The following ACVR1C variants were observed in gnomAD, a reference collection of about 807,000 sequenced individuals.
ACVR1C encodes the protein activin receptor type-1C.
Under a neutral mutation model 57.9 loss-of-function variants are expected in ACVR1C, and 23 were observed. The observed-to-expected ratio is 0.40, with a 90% CI of 0.29 to 0.56. The LOEUF is 0.56. ACVR1C is among the 20% of genes least tolerant of loss of function. ACVR1C has a pLI of 0.50. For synonymous variants in ACVR1C, 214 were observed against 215.3 expected, an observed-to-expected ratio of 0.99 and a Z score of 0.05; for missense variants, 480 against 607.9, an observed-to-expected ratio of 0.79 and a Z score of 2.21.
chr2:157,579,805 A>G (rs951676410), intron 2 of ACVR1C, among the ~76,000 whole-genome samples: 3 of 152,214 alleles, frequency 2.0e-5, no homozygotes, highest in Non-Finnish European at 4.4e-5. Flanking sequence ...TTCCTTATTA[A>G]GATATTATTA....
chr2:157,628,492 T>TC (rs1219584500), intron 1 of ACVR1C, 80 bp downstream of exon 1: 1 of 1,477,116 alleles, frequency 6.8e-7, no homozygotes, highest in East Asian at 2.4e-5. Flanking sequence ...GCACCCCCTG[T>TC]CCCCCACCCC....
At chr2:157,585,147 G>A (rs1688885419) in intron 2 of ACVR1C, among the ~76,000 whole-genome samples, 1 of 152,186 alleles carries the variant, frequency 6.6e-6, no homozygotes, top group Admixed American at 6.5e-5. Flanking sequence ...ATGGGCATAT[G>A]TGTGTGTCTA....
In ACVR1C at chr2:157,573,077, A is replaced by G. The variant is rs527965715; in HGVS notation, c.304+14110T>C. On this transcript the variant is annotated intron_variant, in intron 2 of 8. Transcript: ENST00000243349. ...AGCAAGACTTTTAAACTCCCAAAAG[A>G]ATAACAATCACTTTCTGAGTCTGCA... Among the ~76,000 whole-genome samples, 4 of 152,352 alleles carry G rather than the reference A, an allele frequency of 2.6e-5. No homozygotes were observed. In the East Asian group the frequency reaches 7.7e-4, roughly 29 times the overall value.
At chr2:157,595,969 T>C (rs1374347638) in intron 1 of ACVR1C, among the ~76,000 whole-genome samples, 1 of 152,236 alleles carries the variant, frequency 6.6e-6, no homozygotes, top group East Asian at 1.9e-4. Flanking sequence ...CGCTTTTTAA[T>C]TGTATTAGAC....
chr2:157,540,557 A>C (rs1375174213), intron 7 of ACVR1C, among the ~76,000 whole-genome samples: 1 of 152,042 alleles, frequency 6.6e-6, no homozygotes, highest in African/African-American at 2.4e-5. Flanking sequence ...CAGCCTCCCA[A>C]AGTGTTGGGA....
At position 157,588,848 on chromosome 2, in the gene ACVR1C, C is replaced by CATATATATATATATATATAT. The variant is rs71402394; in HGVS notation, c.74-1451_74-1432dup. ...TACACAAATACATACACAAACACAC[C>CATATATATATATATATATAT]ATATATATATATATATATATATATA... On this transcript the variant is annotated intron_variant, in intron 1 of 8. Coordinates refer to ENST00000243349, the MANE Select transcript of ACVR1C (RefSeq NM_145259.3). 1.3e-3 allele frequency among the ~76,000 whole-genome samples: 117 copies of CATATATATATATATATATAT among 89,044 alleles called. 1 individual carries two copies. The highest frequency in any genetic ancestry group is 1.7e-3 in the Non-Finnish European group (72 of 41,552). The allele number at this position is 89,044 out of a possible 152,430, so 58.4% of individuals were successfully genotyped here.
chr2:157,529,220 C>T lies in ACVR1C; in HGVS notation c.*4698G>A, dbSNP rs1687303781. 1 of 152,082 alleles carries T rather than the reference C, an allele frequency of 6.6e-6. No individual in the cohort carries two copies. The highest frequency in any genetic ancestry group is 2.4e-5 in the African/African-American group (1 of 41,418). The allele number at this position is 152,082 out of a possible 1,614,324, so 9.4% of individuals were successfully genotyped here. ...GGGGATGTCAGGAAGCTTCTCTAAT[C>T]ATTACTTGCACTAAGAAATTCTATA... On this transcript the variant is annotated 3_prime_UTR_variant, in exon 9 of 9. Coordinates refer to ENST00000243349, the MANE Select transcript of ACVR1C (RefSeq NM_145259.3).
chr2:157,584,304 C>T (rs796948891), intron 2 of ACVR1C, among the ~76,000 whole-genome samples: 29 of 152,152 alleles, frequency 1.9e-4, no homozygotes, highest in African/African-American at 7.0e-4. Flanking sequence ...TGGGGTTTCA[C>T]CAGGTTAGCC....
intron 2 of ACVR1C, among the ~76,000 whole-genome samples, chr2:157,577,926 G>C (rs1468947524): frequency 1.3e-5 from 2 of 151,960 alleles, no homozygotes; most frequent in African/African-American, 4.8e-5. Flanking sequence ...TCCCACCCAG[G>C]CTGGAGTGCA....
intron 4 of ACVR1C, among the ~76,000 whole-genome samples, chr2:157,546,590 T>C (rs1382325043): frequency 6.6e-6 from 1 of 152,162 alleles, no homozygotes; most frequent in African/African-American, 2.4e-5. Flanking sequence ...GACTCTACCA[T>C]AAAGTTCTTC....
At chr2:157,599,335 AAAAAAAAAAAAAAAAAAG>A (rs1682226161) in intron 1 of ACVR1C, among the ~76,000 whole-genome samples, 1 of 146,346 alleles carries the variant, frequency 6.8e-6, no homozygotes, top group African/African-American at 2.6e-5. Context: ...AAAAAAAAAA[AAAAAAAAAAAAAAAAAAG>A]GCTGAATAAT....
At chr2:157,619,919 C>A (rs1409121090) in intron 1 of ACVR1C, among the ~76,000 whole-genome samples, 1 of 151,890 alleles carries the variant, frequency 6.6e-6, no homozygotes, top group Non-Finnish European at 1.5e-5. Context: ...CACTACAAAT[C>A]TTACAAATAT....
At position 157,585,824 on chromosome 2, in the gene ACVR1C, G is replaced by A. The variant is rs141441924; in HGVS notation, c.304+1363C>T. The stretch of plus-strand genomic sequence containing the variant: ...ATCTGAGATAGAGAGAATAAGTGTG[G>A]TCTAAAATCCACGACTGCAAGTAGT... On this transcript the variant is annotated intron_variant, in intron 2 of 8. Coordinates refer to ENST00000243349, the MANE Select transcript of ACVR1C (RefSeq NM_145259.3). Among the ~76,000 whole-genome samples the A allele has an allele frequency of 5.2e-3, 795 of 152,240 alleles. 4 individuals are homozygous for A. The highest frequency in any genetic ancestry group is 0.018 in the African/African-American group (750 of 41,536).
chr2:157,594,661 CTGAGT>C (rs1682042892), intron 1 of ACVR1C, among the ~76,000 whole-genome samples: 2 of 152,102 alleles, frequency 1.3e-5, no homozygotes, highest in African/African-American at 4.8e-5. Context: ...CATAGCCTCT[CTGAGT>C]TATGTGAGAC....
intron 4 of ACVR1C, among the ~76,000 whole-genome samples, chr2:157,549,008 A>G (rs1687841101): frequency 6.6e-6 from 1 of 152,204 alleles, no homozygotes; most frequent in Admixed American, 6.5e-5. Flanking sequence ...GTATGTCTGT[A>G]TTGGTTATTA....
intron 1 of ACVR1C, among the ~76,000 whole-genome samples, chr2:157,624,207 GC>G (rs1159639161): frequency 6.6e-6 from 1 of 152,122 alleles, no homozygotes; most frequent in African/African-American, 2.4e-5. Context: ...ATGTATCCAA[GC>G]CCCTTCCCCA....
chr2:157,592,737 C>T (rs1297063960), intron 1 of ACVR1C, among the ~76,000 whole-genome samples: 1 of 152,018 alleles, frequency 6.6e-6, no homozygotes, highest in Non-Finnish European at 1.5e-5. Flanking sequence ...CTGCCAATTA[C>T]AATATAAGTT....
intron 1 of ACVR1C, among the ~76,000 whole-genome samples, chr2:157,589,763 C>A (rs528979249): frequency 1.3e-5 from 2 of 151,778 alleles, no homozygotes; most frequent in East Asian, 3.9e-4. Flanking sequence ...TCACATTACC[C>A]AACTTCAAAT....
At chr2:157,618,195 A>C (rs1157603630) in intron 1 of ACVR1C, among the ~76,000 whole-genome samples, 1 of 151,906 alleles carries the variant, frequency 6.6e-6, no homozygotes, top group Non-Finnish European at 1.5e-5. Flanking sequence ...AGTAAAACAT[A>C]TGAGATTAAT....
Sources: gnomAD v4.1 joint callset for allele counts (sites outside exome capture counted in the v4.1 genomes callset) on GRCh38, gnomAD v4.1.1 for gene constraint, MANE v1.5 for transcripts, NCBI Gene and HGNC (gene_info 2026-07-23, HGNC 2026-07-21) for gene names.